PLCB4: variants seen among roughly 807,000 people sequenced by gnomAD.
PLCB4 encodes phospholipase C beta 4.
Under a neutral mutation model 178.8 loss-of-function variants are expected in PLCB4, and 77 were observed. That is an observed-to-expected ratio of 0.43 (90% CI 0.36 to 0.52). PLCB4 has a LOEUF of 0.52. Ranked by LOEUF, PLCB4 falls within the 20% of genes least tolerant of loss-of-function variation. The probability of loss-of-function intolerance (pLI) is 0.00; values close to 1 mark genes in which losing one functional copy is unlikely to be tolerated. For missense variants in PLCB4, 1,024 were observed against 1,453.4 expected (o/e 0.70, Z 4.80); for synonymous variants, 496 against 490.8 (o/e 1.01, Z -0.14).
At chr20:9,073,894 A>C (rs1568697708) in intron 1 of PLCB4, among the ~76,000 whole-genome samples, 1 of 151,822 alleles carries the variant, frequency 6.6e-6, no homozygotes, top group Non-Finnish European at 1.5e-5. Flanking sequence ...TTAAAAAATA[A>C]TAATAAAATG....
chr20:9,332,741 C>G (rs909961927), intron 4 of PLCB4, among the ~76,000 whole-genome samples: 3 of 152,124 alleles, frequency 2.0e-5, no homozygotes, highest in Non-Finnish European at 4.4e-5. Context: ...AAGTTGCTAT[C>G]CTGCTATAAC....
intron 3 of PLCB4, among the ~76,000 whole-genome samples, chr20:9,236,189 C>T (rs1323158477): frequency 3.9e-5 from 6 of 152,090 alleles, no homozygotes; most frequent in African/African-American, 4.8e-5. Flanking sequence ...GGAAAATCTG[C>T]TTATGGTAAG....
At chr20:9,260,760 C>T (rs1416282207) in intron 3 of PLCB4, among the ~76,000 whole-genome samples, 1 of 152,058 alleles carries the variant, frequency 6.6e-6, no homozygotes, top group African/African-American at 2.4e-5. Context: ...GAGAGATGAT[C>T]ATAGAATTAT....
chr20:9,299,822 A>G (rs2094683264), intron 3 of PLCB4, among the ~76,000 whole-genome samples: 1 of 152,042 alleles, frequency 6.6e-6, no homozygotes, highest in Non-Finnish European at 1.5e-5. Context: ...ATTACTAGAT[A>G]AAAGAGTATG....
intron 7 of PLCB4, among the ~76,000 whole-genome samples, chr20:9,339,781 C>T (rs947023890): frequency 1.3e-5 from 2 of 152,070 alleles, no homozygotes; most frequent in African/African-American, 4.8e-5. Flanking sequence ...TCCAAACCCC[C>T]CCTCCCAATA....
intron 2 of PLCB4, among the ~76,000 whole-genome samples, chr20:9,197,667 T>C (rs551309295): frequency 2.5e-4 from 38 of 152,354 alleles, no homozygotes; most frequent in African/African-American, 8.2e-4. Context: ...AACTCCCTTG[T>C]TGCCAAACAG....
chr20:9,191,878 ATG>A (rs1453005881), intron 2 of PLCB4, among the ~76,000 whole-genome samples: 1 of 146,938 alleles, frequency 6.8e-6, no homozygotes, highest in African/African-American at 2.7e-5. Context: ...TTCATTCTGT[ATG>A]TTTTTTTTTT....
At chr20:9,311,498 TC>T (rs1428751066) in intron 4 of PLCB4, among the ~76,000 whole-genome samples, 1 of 152,204 alleles carries the variant, frequency 6.6e-6, no homozygotes, top group East Asian at 1.9e-4. Context: ...CTCTCTTTTT[TC>T]TTCTTTGTCC....
chr20:9,179,347 G>A (rs1295888688), intron 2 of PLCB4, among the ~76,000 whole-genome samples: 1 of 152,118 alleles, frequency 6.6e-6, no homozygotes, highest in African/African-American at 2.4e-5. Context: ...CAAAGGTGAA[G>A]TAATAGGGCC....
intron 3 of PLCB4, among the ~76,000 whole-genome samples, chr20:9,262,497 A>G (rs2094308333): frequency 6.6e-6 from 1 of 152,172 alleles, no homozygotes. Context: ...TTGGCATGTA[A>G]GGATGATGAG....
intron 28 of PLCB4, among the ~76,000 whole-genome samples, chr20:9,433,494 A>G (rs2041567288): frequency 6.6e-6 from 1 of 152,164 alleles, no homozygotes; most frequent in African/African-American, 2.4e-5. Flanking sequence ...TTAAATTTAG[A>G]GCTGCAGAGA....
At chr20:9,239,180 A>G (rs1346052401) in intron 3 of PLCB4, among the ~76,000 whole-genome samples, 1 of 152,116 alleles carries the variant, frequency 6.6e-6, no homozygotes, top group African/African-American at 2.4e-5. Context: ...TTGACTCCTT[A>G]CCCTGTAAGA....
At chr20:9,241,536 C>T (rs2094062000) in intron 3 of PLCB4, among the ~76,000 whole-genome samples, 1 of 152,132 alleles carries the variant, frequency 6.6e-6, no homozygotes, top group South Asian at 2.1e-4. Context: ...TTGACCAACA[C>T]TGAATATAAT....
chr20:9,144,713 G>A lies in PLCB4; in HGVS notation c.-79+48371G>A, dbSNP rs1488203008. Among the ~76,000 whole-genome samples, 4 of 72,540 alleles carry A rather than the reference G, an allele frequency of 5.5e-5. 1 individual carries two copies. Among genetic ancestry groups the A allele is most frequent in the Admixed American group, 4.2e-4 (3 of 7,156 alleles). The allele number at this position is 72,540 out of a possible 152,430, so 47.6% of individuals were successfully genotyped here. A position where few individuals can be genotyped will look rare whatever the true frequency, so the allele number is the denominator to read the frequency against. The stretch of plus-strand genomic sequence containing the variant: ...GGAGGAGGGGAAGGAGGGGAAGAAG[G>A]GGAAGAAGGGGAAGGAGGGGAAGGA... On this transcript the variant is annotated intron_variant, in intron 2 of 39. Transcript: ENST00000378473.
intron 3 of PLCB4, among the ~76,000 whole-genome samples, chr20:9,222,022 ATTTAT>A: frequency 6.7e-6 from 1 of 148,458 alleles, no homozygotes; most frequent in African/African-American, 2.5e-5. Context: ...CCTTCTATTT[ATTTAT>A]TTTATTTTGT....
At chr20:9,416,181 T>G (rs1193124165) in intron 25 of PLCB4, among the ~76,000 whole-genome samples, 5 of 152,170 alleles carry the variant, frequency 3.3e-5, no homozygotes, top group African/African-American at 1.2e-4. Context: ...TTTGGATCAA[T>G]TCACTCCTTC....
intron 9 of PLCB4, among the ~76,000 whole-genome samples, chr20:9,366,470 C>T (rs1379235530): frequency 2.0e-5 from 3 of 151,262 alleles, no homozygotes; most frequent in African/African-American, 7.3e-5. Context: ...ACATCCTCCA[C>T]ATGTGTTCTT....
chr20:9,332,415 C>A (rs1007087126), intron 4 of PLCB4, among the ~76,000 whole-genome samples: 8 of 152,142 alleles, frequency 5.3e-5, no homozygotes, highest in Admixed American at 1.3e-4. Flanking sequence ...TGGTGAGAAA[C>A]CAAATTAGAT....
chr20:9,164,169 G>A (rs931443682), intron 2 of PLCB4, among the ~76,000 whole-genome samples: 1 of 152,160 alleles, frequency 6.6e-6, no homozygotes, highest in South Asian at 2.1e-4. Flanking sequence ...ATGAGACACA[G>A]CTGCATCGTT....
Sources: gnomAD v4.1 joint callset for allele counts (sites outside exome capture counted in the v4.1 genomes callset) on GRCh38, gnomAD v4.1.1 for gene constraint, MANE v1.5 for transcripts, NCBI Gene and HGNC (gene_info 2026-07-23, HGNC 2026-07-21) for gene names.